The following PDE7B variants were observed in gnomAD, a reference collection of about 807,000 sequenced individuals.
PDE7B encodes the protein 3',5'-cyclic-AMP phosphodiesterase 7B.
Under a neutral mutation model 56.2 loss-of-function variants are expected in PDE7B, and 29 were observed. The ratio of observed to expected loss-of-function variants is 0.52; its 90% CI spans 0.38 to 0.70. PDE7B has a LOEUF of 0.70. Ranked by LOEUF, PDE7B falls within the 30% of genes least tolerant of loss-of-function variation. The pLI, the probability that PDE7B is intolerant of heterozygous loss-of-function variation, is 0.00. For synonymous variants in PDE7B, 197 were observed against 196.9 expected, an observed-to-expected ratio of 1.00 and a Z score of 0.00; for missense variants, 490 against 565.0, an observed-to-expected ratio of 0.87 and a Z score of 1.35.
chr6:136,099,870 T>C (rs1300825261), intron 2 of PDE7B, among the ~76,000 whole-genome samples: 1 of 152,220 alleles, frequency 6.6e-6, no homozygotes, highest in Admixed American at 6.5e-5. Context: ...CTAAATGGTA[T>C]TGCCTAGGTT....
At chr6:135,901,664 G>C (rs1033750685) in intron 1 of PDE7B, among the ~76,000 whole-genome samples, 1 of 152,114 alleles carries the variant, frequency 6.6e-6, no homozygotes, top group African/African-American at 2.4e-5. Context: ...CCAGGGAGCA[G>C]CTGTATGCAG....
chr6:136,036,692 G>A (rs968848227), intron 2 of PDE7B, among the ~76,000 whole-genome samples: 2 of 152,136 alleles, frequency 1.3e-5, no homozygotes, highest in African/African-American at 4.8e-5. Context: ...TCAAATAATT[G>A]TGTGATAAAC....
intron 2 of PDE7B, among the ~76,000 whole-genome samples, chr6:136,078,152 C>A (rs1777151762): frequency 6.6e-6 from 1 of 152,112 alleles, no homozygotes; most frequent in Non-Finnish European, 1.5e-5. Flanking sequence ...AAATACTGGG[C>A]AAAGAGTTGT....
intron 8 of PDE7B, among the ~76,000 whole-genome samples, chr6:136,157,286 A>G (rs1013362137): frequency 6.6e-6 from 1 of 152,178 alleles, no homozygotes; most frequent in African/African-American, 2.4e-5. Context: ...AGAGGGTTCT[A>G]GAAAGTGATC....
intron 5 of PDE7B, among the ~76,000 whole-genome samples, chr6:136,150,564 C>A (rs999747847): frequency 2.6e-5 from 4 of 152,186 alleles, no homozygotes; most frequent in African/African-American, 9.6e-5. Context: ...CCATTGGCCT[C>A]ATTGTCTGTG....
intron 2 of PDE7B, among the ~76,000 whole-genome samples, chr6:136,051,856 CG>C (rs1226101752): frequency 9.9e-5 from 15 of 152,068 alleles, no homozygotes; most frequent in African/African-American, 3.6e-4. Context: ...AATATACTTA[CG>C]GGCTGGTTAG....
chr6:136,173,294 C>T (rs1200634469), intron 8 of PDE7B, among the ~76,000 whole-genome samples: 1 of 152,044 alleles, frequency 6.6e-6, no homozygotes, highest in Non-Finnish European at 1.5e-5. Context: ...GGTACTGGTA[C>T]CAAAACAGAG....
intron 1 of PDE7B, among the ~76,000 whole-genome samples, chr6:135,909,994 C>G (rs1776185028): frequency 6.6e-6 from 1 of 152,208 alleles, no homozygotes; most frequent in African/African-American, 2.4e-5. Context: ...TTGCAAGAGA[C>G]TGTTCCTGTT....
intron 2 of PDE7B, chr6:135,991,928 C>G (rs1325321334): frequency 6.6e-6 from 1 of 152,146 alleles, no homozygotes; most frequent in Non-Finnish European, 1.5e-5. Context: ...TCATATGATT[C>G]TTGAAGGTTT....
chr6:136,081,053 G>A (rs1777199462), intron 2 of PDE7B, among the ~76,000 whole-genome samples: 1 of 152,178 alleles, frequency 6.6e-6, no homozygotes. Flanking sequence ...GGTTGGCACA[G>A]CATAGTGGCA....
intron 2 of PDE7B, among the ~76,000 whole-genome samples, chr6:136,030,384 G>A (rs1776227098): frequency 6.6e-6 from 1 of 152,208 alleles, no homozygotes; most frequent in Non-Finnish European, 1.5e-5. Context: ...ATGAATTCCA[G>A]GTGAAACCTG....
chr6:135,949,376 A>G (rs531523587), intron 2 of PDE7B, among the ~76,000 whole-genome samples: 6 of 152,226 alleles, frequency 3.9e-5, no homozygotes, highest in South Asian at 2.1e-4. Context: ...TTATCTTTCC[A>G]TCTCTTCTAG....
Position 136,149,138 on chromosome 6 carries a change from C to T in PDE7B, c.370C>T (p.Arg124Cys), listed in dbSNP as rs868388213. ...GGATTTTGACATTTTCTTGTTTGATCGCTTGACAAATGGTAAGTTACCCAA... is the reference window on the plus strand; with the variant it reads ...GGATTTTGACATTTTCTTGTTTGATTGCTTGACAAATGGTAAGTTACCCAA... ...MWDFDIFLFD[R>C]LTNGNSLVTL... Residue 124 changes from arginine (R) to cysteine (C), a missense_variant, in exon 5 of 13, where the codon CGC (arginine) becomes TGC (cysteine). Physicochemically the swap from Arg to Cys is radical, Grantham distance 180. Transcript: ENST00000308191. 1.9e-6 allele frequency: 3 copies of T among 1,608,290 alleles called. No homozygotes were observed. Among genetic ancestry groups the T allele is most frequent in the Admixed American group, 1.7e-5 (1 of 59,932 alleles).
chr6:135,861,925 A>G (rs997627135), intron 1 of PDE7B, among the ~76,000 whole-genome samples: 2 of 151,864 alleles, frequency 1.3e-5, no homozygotes, highest in African/African-American at 4.8e-5. Flanking sequence ...ACTTTTTGTT[A>G]CTGATACATA....
intron 3 of PDE7B, among the ~76,000 whole-genome samples, chr6:136,109,845 A>G (rs1315412864): frequency 6.6e-6 from 1 of 152,130 alleles, no homozygotes; most frequent in East Asian, 1.9e-4. Flanking sequence ...AAATTTCACA[A>G]TTTGCTCCAA....
At chr6:135,932,019 A>T (rs1440156391) in intron 1 of PDE7B, among the ~76,000 whole-genome samples, 1 of 152,138 alleles carries the variant, frequency 6.6e-6, no homozygotes, top group African/African-American at 2.4e-5. Flanking sequence ...AGAGCCGAAT[A>T]TATTAATATA....
chr6:136,080,420 GT>G (rs1777188224), intron 2 of PDE7B, among the ~76,000 whole-genome samples: 1 of 152,096 alleles, frequency 6.6e-6, no homozygotes. Context: ...CCCTTCAGAG[GT>G]TTCCTTTCAG....
intron 1 of PDE7B, among the ~76,000 whole-genome samples, chr6:135,913,681 T>A (rs1776249043): frequency 6.6e-6 from 1 of 152,252 alleles, no homozygotes. Flanking sequence ...AATTTGTCTT[T>A]AAAATTAAAA....
intron 2 of PDE7B, among the ~76,000 whole-genome samples, chr6:135,966,788 G>T (rs910957092): frequency 2.0e-5 from 3 of 152,102 alleles, no homozygotes; most frequent in South Asian, 4.1e-4. Flanking sequence ...TTAAAGAAAG[G>T]CACATCTATA....
Sources: allele counts gnomAD v4.1 joint callset (sites outside exome capture counted in the v4.1 genomes callset), GRCh38; gene constraint gnomAD v4.1.1; transcripts MANE v1.5; gene names NCBI Gene and HGNC (gene_info 2026-07-23, HGNC 2026-07-21).